SPRED2: variants seen among roughly 807,000 people sequenced by gnomAD.
SPRED2 encodes sprouty related EVH1 domain containing 2, also known as sprouty-related, EVH1 domain-containing protein 2.
Under a neutral mutation model 43.0 loss-of-function variants are expected in SPRED2, and 47 were observed. That is an observed-to-expected ratio of 1.09 (90% CI 0.87 to 1.40). The LOEUF (loss-of-function observed/expected upper bound fraction) is 1.40. Among genes scored for constraint, SPRED2 ranks in the 40% most tolerant of loss-of-function variants. SPRED2 has a pLI of 0.00. For missense variants in SPRED2, 561 were observed against 586.4 expected (o/e 0.96, Z 0.45); for synonymous variants, 225 against 225.7 (o/e 1.00, Z 0.03).
chr2:65,374,090 G>A (rs537466020), intron 1 of SPRED2: 60 of 152,186 alleles, frequency 3.9e-4, no homozygotes, highest in African/African-American at 1.3e-3. Context: ...AAAAATTACT[G>A]GAAAATAACA....
chr2:65,417,445 T>A (rs1046454000), intron 1 of SPRED2, among the ~76,000 whole-genome samples: 2 of 151,906 alleles, frequency 1.3e-5, no homozygotes, highest in Non-Finnish European at 2.9e-5. Flanking sequence ...CTACCTACCA[T>A]GTTCAGGAGA....
intron 1 of SPRED2, among the ~76,000 whole-genome samples, chr2:65,358,036 A>G (rs913465634): frequency 1.2e-4 from 18 of 149,004 alleles, no homozygotes; most frequent in Non-Finnish European, 1.8e-4. Context: ...TAGCAAACTT[A>G]AGCCACTAAA....
At chr2:65,401,432 T>G (rs1188704982) in intron 1 of SPRED2, among the ~76,000 whole-genome samples, 8 of 152,106 alleles carry the variant, frequency 5.3e-5, no homozygotes, top group African/African-American at 1.9e-4. Context: ...TTACAGTTAG[T>G]TGCCATGTCT....
chr2:65,346,032 A>C (rs1674340567), intron 1 of SPRED2, among the ~76,000 whole-genome samples: 1 of 152,230 alleles, frequency 6.6e-6, no homozygotes, highest in Admixed American at 6.5e-5. Context: ...ACAGATTCTC[A>C]GGAAACAAAG....
intron 1 of SPRED2, among the ~76,000 whole-genome samples, chr2:65,400,159 C>T (rs2103718936): frequency 6.6e-6 from 1 of 152,258 alleles, no homozygotes; most frequent in South Asian, 2.1e-4. Flanking sequence ...CTGGTCCCTC[C>T]ACAATCCTCC....
chr2:65,371,047 G>A (rs1019193300), intron 1 of SPRED2, among the ~76,000 whole-genome samples: 8 of 152,342 alleles, frequency 5.3e-5, no homozygotes, highest in African/African-American at 1.9e-4. Flanking sequence ...AAGGCAGTGA[G>A]GGCCTTCAGA....
intron 1 of SPRED2, among the ~76,000 whole-genome samples, chr2:65,349,378 A>AATATCCTT (rs1187932605): frequency 6.6e-6 from 1 of 151,866 alleles, no homozygotes; most frequent in Non-Finnish European, 1.5e-5. Flanking sequence ...AACTTTGGAG[A>AATATCCTT]ATATCCTTTC....
intron 1 of SPRED2, among the ~76,000 whole-genome samples, chr2:65,351,195 G>C (rs933772457): frequency 1.3e-5 from 2 of 152,108 alleles, no homozygotes; most frequent in Admixed American, 6.5e-5. Flanking sequence ...ACAGTAGGAG[G>C]AAATTTGACA....
intron 1 of SPRED2, among the ~76,000 whole-genome samples, chr2:65,349,198 ACT>A (rs1674435253): frequency 6.6e-6 from 1 of 151,464 alleles, no homozygotes; most frequent in South Asian, 2.1e-4. Flanking sequence ...AATCCCAGCT[ACT>A]CAGGAGGCTG....
At chr2:65,413,289 G>T (rs928561968) in intron 1 of SPRED2, among the ~76,000 whole-genome samples, 14 of 152,158 alleles carry the variant, frequency 9.2e-5, no homozygotes, top group African/African-American at 3.4e-4. Context: ...CAACAGCCTG[G>T]AGCCTTTACC....
chr2:65,328,869 G>A (rs1431192366), intron 4 of SPRED2, among the ~76,000 whole-genome samples: 1 of 152,136 alleles, frequency 6.6e-6, no homozygotes, highest in Non-Finnish European at 1.5e-5. Context: ...GATAGAGTAG[G>A]TAGAAAAAAA....
chr2:65,422,077 A>AACACACACACACACACACAC (rs367817858), intron 1 of SPRED2, among the ~76,000 whole-genome samples: 8 of 127,746 alleles, frequency 6.3e-5, no homozygotes, highest in African/African-American at 2.1e-4. Flanking sequence ...TTGTATGTAC[A>AACACACACACACACACACAC]ACACACACAC....
chr2:65,366,678 G>T (rs1674989551), intron 1 of SPRED2: 1 of 1,543,160 alleles, frequency 6.5e-7, no homozygotes, highest in Non-Finnish European at 8.7e-7. Context: ...GATAAAAATG[G>T]ATCGTCTCTT....
intron 1 of SPRED2, among the ~76,000 whole-genome samples, chr2:65,362,685 T>A (rs1004401232): frequency 1.3e-5 from 2 of 151,850 alleles, no homozygotes; most frequent in Non-Finnish European, 2.9e-5. Flanking sequence ...ATGGTGAAAC[T>A]CCATCTCTAC....
chr2:65,377,165 T>C (rs890165927), intron 1 of SPRED2, among the ~76,000 whole-genome samples: 3 of 152,244 alleles, frequency 2.0e-5, no homozygotes, highest in African/African-American at 7.2e-5. Flanking sequence ...AATAATCCTG[T>C]GATAAATAAC....
rs1380721313 is a variant in SPRED2 at position 65,311,810 on chromosome 2, G to T, written c.*1691C>A. 1.0e-6 allele frequency: 1 copy of T among 985,432 alleles called. No individual in the cohort carries two copies. Among genetic ancestry groups the T allele is most frequent in the Non-Finnish European group, 1.2e-6 (1 of 829,948 alleles). The allele number at this position is 985,432 out of a possible 1,614,324, so 61.0% of individuals were successfully genotyped here. A position where few individuals can be genotyped will look rare whatever the true frequency, so the allele number is the denominator to read the frequency against. On this transcript the variant is annotated 3_prime_UTR_variant, in exon 6 of 6. Coordinates refer to ENST00000356388, the MANE Select transcript of SPRED2 (RefSeq NM_181784.3). ...AAAGAAAATCGATGAGCTTGTGGACGAGCTGGAAACAGCCCCATGAAGGTG... is the reference window on the plus strand; with the variant it reads ...AAAGAAAATCGATGAGCTTGTGGACTAGCTGGAAACAGCCCCATGAAGGTG...
intron 1 of SPRED2, among the ~76,000 whole-genome samples, chr2:65,418,873 T>A (rs1268479069): frequency 6.6e-6 from 1 of 151,994 alleles, no homozygotes; most frequent in Non-Finnish European, 1.5e-5. Flanking sequence ...CTTATCATTT[T>A]TTTTTATTTA....
At chr2:65,427,343 G>A (rs1676580577) in intron 1 of SPRED2, among the ~76,000 whole-genome samples, 2 of 152,168 alleles carry the variant, frequency 1.3e-5, no homozygotes, top group South Asian at 4.1e-4. Context: ...CTCCAGTAGT[G>A]TGGGGATTTT....
intron 1 of SPRED2, among the ~76,000 whole-genome samples, chr2:65,420,468 G>A (rs2103793822): frequency 6.6e-6 from 1 of 152,316 alleles, no homozygotes; most frequent in African/African-American, 2.4e-5. Flanking sequence ...TCATATTCCA[G>A]TCTCTTCCCG....
Sources: gnomAD v4.1 joint callset for allele counts (sites outside exome capture counted in the v4.1 genomes callset) on GRCh38, gnomAD v4.1.1 for gene constraint, MANE v1.5 for transcripts, NCBI Gene and HGNC (gene_info 2026-07-23, HGNC 2026-07-21) for gene names.